Variants in ZBTB20 observed in about 807,000 individuals in gnomAD.
The protein encoded by ZBTB20 is zinc finger and BTB domain containing 20.
In ZBTB20, 9 loss-of-function variants were observed where a neutral mutation model predicts 56.9. That is an observed-to-expected ratio of 0.16 (90% confidence interval 0.10 to 0.28). ZBTB20 has a LOEUF of 0.28. Ranked by LOEUF, ZBTB20 falls within the 10% of genes least tolerant of loss-of-function variation. The probability of loss-of-function intolerance (pLI) is 1.00; values close to 1 mark genes in which losing one functional copy is unlikely to be tolerated. For missense variants in ZBTB20, 655 were observed against 1,003.0 expected (o/e 0.65, Z 4.69); for synonymous variants, 417 against 420.7 (o/e 0.99, Z 0.11).
intron 6 of ZBTB20, among the ~76,000 whole-genome samples, chr3:114,678,815 T>C (rs1159817361): frequency 6.6e-6 from 1 of 152,186 alleles, no homozygotes; most frequent in Non-Finnish European, 1.5e-5. Flanking sequence ...TTCTAGTCCA[T>C]CTATTATGTG....
chr3:114,975,687 C>G (rs1046612509), intron 2 of ZBTB20, among the ~76,000 whole-genome samples: 1 of 151,730 alleles, frequency 6.6e-6, no homozygotes, highest in African/African-American at 2.4e-5. Context: ...GGAGTGAGAC[C>G]AGAACAATTA....
chr3:114,651,259 G>T (rs1323510058), intron 6 of ZBTB20, among the ~76,000 whole-genome samples: 2 of 151,992 alleles, frequency 1.3e-5, no homozygotes, highest in Non-Finnish European at 2.9e-5. Flanking sequence ...GGCAGTATTT[G>T]TTGGGGACAG....
intron 1 of ZBTB20, among the ~76,000 whole-genome samples, chr3:115,138,985 C>A (rs2084733948): frequency 1.3e-5 from 2 of 151,992 alleles, no homozygotes; most frequent in Non-Finnish European, 1.5e-5. Flanking sequence ...TTTAGAATAT[C>A]TTTTCCATTA....
At chr3:114,691,753 G>C (rs2062710367) in intron 6 of ZBTB20, among the ~76,000 whole-genome samples, 1 of 151,798 alleles carries the variant, frequency 6.6e-6, no homozygotes, top group South Asian at 2.1e-4. Context: ...ATGAGAGTAA[G>C]GAAATATATC....
chr3:115,132,790 C>A (rs1275112458), intron 1 of ZBTB20, among the ~76,000 whole-genome samples: 3 of 151,834 alleles, frequency 2.0e-5, no homozygotes, highest in Non-Finnish European at 4.4e-5. Flanking sequence ...AAAAAACCCC[C>A]AAAATTTAGA....
At chr3:114,738,918 A>G (rs2066378964) in intron 5 of ZBTB20, among the ~76,000 whole-genome samples, 1 of 152,192 alleles carries the variant, frequency 6.6e-6, no homozygotes, top group African/African-American at 2.4e-5. Context: ...ATAACCAGAA[A>G]CCACATAAGC....
In ZBTB20 at chr3:114,900,934, CCTCAA is replaced by C. The variant is rs370076381; in HGVS notation, c.-455-597_-455-593del. ...ACCACGTCGGATATAATGCAAAATG[CCTCAA>C]CTCAACACACTTTGACAAAACTGCC... On this transcript the variant is annotated intron_variant, in intron 3 of 11. Transcript: ENST00000675478. Among the ~76,000 whole-genome samples, 13 of 152,252 alleles carry C rather than the reference CCTCAA, an allele frequency of 8.5e-5. No homozygotes were observed. In the East Asian group the frequency reaches 2.5e-3, roughly 29 times the overall value.
At chr3:115,041,919 T>C (rs1464190742) in intron 2 of ZBTB20, among the ~76,000 whole-genome samples, 3 of 152,166 alleles carry the variant, frequency 2.0e-5, no homozygotes, top group Non-Finnish European at 4.4e-5. Context: ...TGAGCCTGCC[T>C]GAATTATGAG....
At chr3:114,823,873 CATA>C (rs1295310845) in intron 4 of ZBTB20, among the ~76,000 whole-genome samples, 1 of 151,908 alleles carries the variant, frequency 6.6e-6, no homozygotes, top group Non-Finnish European at 1.5e-5. Context: ...GATTAAAACA[CATA>C]ATGCACTAGT....
intron 1 of ZBTB20, among the ~76,000 whole-genome samples, chr3:115,075,747 T>C (rs1187622379): frequency 6.6e-6 from 1 of 152,158 alleles, no homozygotes; most frequent in African/African-American, 2.4e-5. Context: ...TCTCGGCACT[T>C]CTATTCTACA....
chr3:114,793,726 G>C (rs2071144752), intron 5 of ZBTB20, among the ~76,000 whole-genome samples: 1 of 152,032 alleles, frequency 6.6e-6, no homozygotes, highest in Non-Finnish European at 1.5e-5. Context: ...TAGAATAATA[G>C]GAAGAACACT....
chr3:114,488,608 A>T (rs1275995451), intron 7 of ZBTB20, among the ~76,000 whole-genome samples: 1 of 152,218 alleles, frequency 6.6e-6, no homozygotes, highest in Non-Finnish European at 1.5e-5. Flanking sequence ...GAGGATGCAG[A>T]GAAATGGGCA....
intron 6 of ZBTB20, among the ~76,000 whole-genome samples, chr3:114,589,324 G>T (rs2055504153): frequency 6.6e-6 from 1 of 151,958 alleles, no homozygotes; most frequent in Non-Finnish European, 1.5e-5. Context: ...GTCCTGCCTT[G>T]TCCCTTTCTC....
At chr3:114,832,065 G>A (rs945357612) in intron 4 of ZBTB20, among the ~76,000 whole-genome samples, 8 of 152,064 alleles carry the variant, frequency 5.3e-5, no homozygotes, top group Admixed American at 1.3e-4. Flanking sequence ...CTATAGACAG[G>A]TCTGAAAAAA....
At chr3:114,656,780 G>C (rs577570752) in intron 6 of ZBTB20, among the ~76,000 whole-genome samples, 10 of 151,944 alleles carry the variant, frequency 6.6e-5, no homozygotes, top group Non-Finnish European at 1.3e-4. Flanking sequence ...GTCTCACTCT[G>C]TTGCCCAGGC....
chr3:114,954,746 C>T (rs548799291), intron 3 of ZBTB20, among the ~76,000 whole-genome samples: 35 of 152,222 alleles, frequency 2.3e-4, no homozygotes, highest in African/African-American at 8.4e-4. Flanking sequence ...GTTTGGGGCA[C>T]CTAAAGTGCA....
At chr3:115,028,334 T>C (rs190556759) in intron 2 of ZBTB20, among the ~76,000 whole-genome samples, 24 of 150,902 alleles carry the variant, frequency 1.6e-4, no homozygotes, top group Non-Finnish European at 2.7e-4. Flanking sequence ...CTTCACTCCA[T>C]TGAATTAGGA....
chr3:115,027,122 C>T (rs1309054578), intron 2 of ZBTB20, among the ~76,000 whole-genome samples: 1 of 150,930 alleles, frequency 6.6e-6, no homozygotes, highest in African/African-American at 2.4e-5. Context: ...ATTTTTGCTA[C>T]TATAAATGGT....
intron 5 of ZBTB20, among the ~76,000 whole-genome samples, chr3:114,737,923 T>C (rs1317227456): frequency 6.6e-6 from 1 of 152,152 alleles, no homozygotes. Context: ...CATTTTACTA[T>C]GAACTGTATA....
Sources: allele counts gnomAD v4.1 joint callset (sites outside exome capture counted in the v4.1 genomes callset), GRCh38; gene constraint gnomAD v4.1.1; transcripts MANE v1.5; gene names NCBI Gene and HGNC (gene_info 2026-07-23, HGNC 2026-07-21).